Variants in TMEM232 observed in about 807,000 individuals in gnomAD.
TMEM232 encodes transmembrane protein 232.
In TMEM232, 80 loss-of-function variants were observed where a neutral mutation model predicts 78.8. That is an observed-to-expected ratio of 1.01 (90% CI 0.85 to 1.22). TMEM232 has a LOEUF of 1.22. TMEM232 is among the 50% of genes most tolerant of loss of function. The pLI is 0.00. For synonymous variants in TMEM232, 297 were observed against 254.3 expected (o/e 1.17, Z -1.60); for missense variants, 881 against 742.2 (o/e 1.19, Z -2.17).
intron 12 of TMEM232, among the ~76,000 whole-genome samples, chr5:110,461,483 C>T (rs532616178): frequency 2.6e-5 from 4 of 152,240 alleles, no homozygotes; most frequent in South Asian, 2.1e-4. Context: ...CAAGGTGAAG[C>T]GGCAAGTGCT....
chr5:110,618,654 A>C, intron 7 of TMEM232, 92 bp from the exon 8 acceptor site: 1 of 1,273,378 alleles, frequency 7.9e-7, no homozygotes, highest in Non-Finnish European at 1.1e-6. Flanking sequence ...TAAATTTTAA[A>C]TATACAAATG....
intron 2 of TMEM232, among the ~76,000 whole-genome samples, chr5:110,654,342 G>A (rs994671813): frequency 6.6e-6 from 1 of 152,116 alleles, no homozygotes; most frequent in South Asian, 2.1e-4. Flanking sequence ...TGTAAGGAAG[G>A]GATCCAGTTT....
intron 8 of TMEM232, among the ~76,000 whole-genome samples, chr5:110,615,202 C>A (rs1782771383): frequency 6.6e-6 from 1 of 151,832 alleles, no homozygotes; most frequent in Non-Finnish European, 1.5e-5. Flanking sequence ...TAGAAAATAA[C>A]TTTTGTTCAT....
intron 12 of TMEM232, among the ~76,000 whole-genome samples, chr5:110,477,471 A>T (rs893423821): frequency 1.5e-4 from 23 of 151,934 alleles, no homozygotes; most frequent in Non-Finnish European, 3.2e-4. Context: ...TTTTAGTCAA[A>T]TAATTATATG....
intron 12 of TMEM232, among the ~76,000 whole-genome samples, chr5:110,436,210 G>T (rs1758417428): frequency 6.6e-6 from 1 of 151,766 alleles, no homozygotes; most frequent in Non-Finnish European, 1.5e-5. Flanking sequence ...GATGATTAAT[G>T]GTGTTGATCA....
chr5:110,634,584 T>G (rs1169044227), intron 5 of TMEM232, among the ~76,000 whole-genome samples: 1 of 151,828 alleles, frequency 6.6e-6, no homozygotes, highest in Non-Finnish European at 1.5e-5. Flanking sequence ...AAACAACATG[T>G]TTCTGAACAA....
intron 1 of TMEM232, among the ~76,000 whole-genome samples, chr5:110,679,274 C>G (rs992998396): frequency 6.6e-6 from 1 of 152,262 alleles, no homozygotes; most frequent in East Asian, 1.9e-4. Flanking sequence ...TCTCTGATGA[C>G]TTATGATATA....
At chr5:110,721,952 A>G (rs927607686) in intron 1 of TMEM232, among the ~76,000 whole-genome samples, 1 of 151,700 alleles carries the variant, frequency 6.6e-6, no homozygotes, top group Non-Finnish European at 1.5e-5. Flanking sequence ...TGATAGTTAG[A>G]ATCACTTCTT....
chr5:110,684,730 A>T (rs1222766168), intron 1 of TMEM232: 1 of 152,286 alleles, frequency 6.6e-6, no homozygotes, highest in East Asian at 1.9e-4. Flanking sequence ...TTCTATATTT[A>T]TTTATTAGAG....
intron 1 of TMEM232, among the ~76,000 whole-genome samples, chr5:110,687,680 C>G (rs1325132621): frequency 6.6e-6 from 1 of 152,056 alleles, no homozygotes; most frequent in Non-Finnish European, 1.5e-5. Flanking sequence ...TTTTCTCTTT[C>G]TCTTTCTCTT....
At chr5:110,494,797 G>A (rs1032604056) in intron 12 of TMEM232, among the ~76,000 whole-genome samples, 8 of 151,904 alleles carry the variant, frequency 5.3e-5, no homozygotes, top group East Asian at 1.9e-4. Flanking sequence ...TATGTATAAC[G>A]TGGGAGAATA....
At chr5:110,505,279 G>A (rs1030093219) in intron 12 of TMEM232, among the ~76,000 whole-genome samples, 2 of 152,140 alleles carry the variant, frequency 1.3e-5, no homozygotes, top group Non-Finnish European at 2.9e-5. Flanking sequence ...TTTAACTGGT[G>A]ATAGCTCCCT....
intron 12 of TMEM232, among the ~76,000 whole-genome samples, chr5:110,494,729 C>T (rs1765461612): frequency 6.6e-6 from 1 of 151,832 alleles, no homozygotes; most frequent in South Asian, 2.1e-4. Context: ...TGAAAAATAC[C>T]TTATAGGATA....
chr5:110,612,062 G>T (rs902019307), intron 8 of TMEM232, among the ~76,000 whole-genome samples: 4 of 152,066 alleles, frequency 2.6e-5, no homozygotes, highest in African/African-American at 9.7e-5. Flanking sequence ...GAACTGGCAG[G>T]ACATGTAGTA....
intron 12 of TMEM232, among the ~76,000 whole-genome samples, chr5:110,425,268 A>G (rs114510613): frequency 1.4e-3 from 208 of 152,262 alleles, no homozygotes; most frequent in African/African-American, 4.8e-3. Flanking sequence ...AAGTCTTTGT[A>G]TTACTAAGGG....
At chr5:110,416,161 G>T (rs2112590850), downstream of TMEM232, among the ~76,000 whole-genome samples, 1 of 152,302 alleles carries the variant, frequency 6.6e-6, no homozygotes, top group African/African-American at 2.4e-5. Context: ...GTTTCCAAAT[G>T]CATTCTGCAT....
At chr5:110,723,393 G>C (rs894896167) in intron 1 of TMEM232, among the ~76,000 whole-genome samples, 15 of 152,048 alleles carry the variant, frequency 9.9e-5, no homozygotes, top group Admixed American at 6.6e-4. Flanking sequence ...TTATATTTTT[G>C]TATCAATGTA....
intron 12 of TMEM232, among the ~76,000 whole-genome samples, chr5:110,472,425 G>A (rs1425706841): frequency 2.0e-5 from 3 of 151,938 alleles, no homozygotes; most frequent in African/African-American, 7.2e-5. Flanking sequence ...AATATCCTGT[G>A]TATATGCAGT....
At chr5:110,689,777 C>T (rs1275933274) in intron 1 of TMEM232, among the ~76,000 whole-genome samples, 1 of 152,014 alleles carries the variant, frequency 6.6e-6, no homozygotes, top group Non-Finnish European at 1.5e-5. Flanking sequence ...GGTACTGGTA[C>T]CAAAACAGAT....
Sources: allele counts gnomAD v4.1 joint callset (sites outside exome capture counted in the v4.1 genomes callset), GRCh38; gene constraint gnomAD v4.1.1; transcripts MANE v1.5; gene names NCBI Gene and HGNC (gene_info 2026-07-23, HGNC 2026-07-21).